SEMA3E: variants seen among roughly 807,000 people sequenced by gnomAD.
The protein encoded by SEMA3E is semaphorin 3E, also known as semaphorin-3E.
SEMA3E carries 49 observed loss-of-function variants against 93.6 expected under a neutral mutation model. The observed-to-expected ratio is 0.52, with a 90% CI of 0.42 to 0.66. The LOEUF is 0.66. SEMA3E is among the 30% of genes least tolerant of loss of function. The pLI, the probability that SEMA3E is intolerant of heterozygous loss-of-function variation, is 0.00. For synonymous variants in SEMA3E, 363 were observed against 330.7 expected (o/e 1.10, Z -1.06); for missense variants, 906 against 964.8 (o/e 0.94, Z 0.81).
chr7:83,388,868 C>T (rs1787937907), intron 14 of SEMA3E, among the ~76,000 whole-genome samples: 1 of 145,586 alleles, frequency 6.9e-6, no homozygotes. Context: ...TAATAGAATG[C>T]TATTTCAAGA....
Position 83,363,424 on chromosome 7 carries a change from A to T in SEMA3E, c.*4162T>A, listed in dbSNP as rs1344558518. The T allele has an allele frequency of 6.6e-6, 1 of 152,178 alleles. No individual in the cohort carries two copies. The highest frequency in any genetic ancestry group is 2.4e-5 in the African/African-American group (1 of 41,422). 9.4% of individuals were successfully genotyped at this position (152,178 alleles called of 1,614,324 possible). A position where few individuals can be genotyped will look rare whatever the true frequency, so the allele number is the denominator to read the frequency against. The stretch of plus-strand genomic sequence containing the variant: ...GGCTTAGAATCAGTGAAAAGAAAGA[A>T]TATGGCACACACTGTTATGAACCCA... On this transcript the variant is annotated 3_prime_UTR_variant, in exon 17 of 17. Coordinates refer to ENST00000643230, the MANE Select transcript of SEMA3E (RefSeq NM_012431.3).
intron 1 of SEMA3E, among the ~76,000 whole-genome samples, chr7:83,568,845 G>T (rs12112941): frequency 1.7e-3 from 258 of 152,050 alleles, no homozygotes; most frequent in African/African-American, 6.0e-3. Context: ...ACTCTTCCTA[G>T]TCAACATAGT....
chr7:83,403,744 A>T (rs1467539317), intron 9 of SEMA3E, among the ~76,000 whole-genome samples: 1 of 151,858 alleles, frequency 6.6e-6, no homozygotes, highest in Admixed American at 6.6e-5. Context: ...CTACACCCCC[A>T]ATTTACACAT....
chr7:83,615,350 A>G (rs1793343120), intron 1 of SEMA3E, among the ~76,000 whole-genome samples: 1 of 152,032 alleles, frequency 6.6e-6, no homozygotes, highest in African/African-American at 2.4e-5. Context: ...TTTTTTTTAA[A>G]CCCCTTACTT....
At chr7:83,571,658 T>C (rs1193513917) in intron 1 of SEMA3E, among the ~76,000 whole-genome samples, 1 of 152,098 alleles carries the variant, frequency 6.6e-6, no homozygotes, top group Non-Finnish European at 1.5e-5. Context: ...CCTTGAAAAC[T>C]GGAACAAGAC....
intron 2 of SEMA3E, among the ~76,000 whole-genome samples, chr7:83,477,591 G>T (rs548081116): frequency 2.0e-5 from 3 of 151,950 alleles, no homozygotes; most frequent in South Asian, 2.1e-4. Flanking sequence ...GACAAAATTT[G>T]TATTTTAAAA....
intron 4 of SEMA3E, among the ~76,000 whole-genome samples, chr7:83,439,500 A>C (rs1352964548): frequency 6.6e-6 from 1 of 152,206 alleles, no homozygotes; most frequent in Non-Finnish European, 1.5e-5. Flanking sequence ...TTTCTCAGGG[A>C]GAGGAGAAAA....
At chr7:83,437,682 C>T (rs534386322) in intron 4 of SEMA3E, among the ~76,000 whole-genome samples, 1 of 152,110 alleles carries the variant, frequency 6.6e-6, no homozygotes, top group Non-Finnish European at 1.5e-5. Flanking sequence ...AACTAAGAAG[C>T]AGTTATATTC....
chr7:83,472,300 A>G (rs984728298), intron 2 of SEMA3E, among the ~76,000 whole-genome samples: 11 of 152,148 alleles, frequency 7.2e-5, no homozygotes, highest in African/African-American at 1.2e-4. Context: ...TTTAATCCTT[A>G]CCACAACTTT....
intron 1 of SEMA3E, among the ~76,000 whole-genome samples, chr7:83,642,964 A>G (rs551764464): frequency 2.0e-5 from 3 of 152,180 alleles, no homozygotes; most frequent in African/African-American, 7.2e-5. Context: ...CTATTAAACC[A>G]CAGAAGAGTT....
chr7:83,595,578 A>AT (rs1792854639), intron 1 of SEMA3E, among the ~76,000 whole-genome samples: 1 of 152,028 alleles, frequency 6.6e-6, no homozygotes. Context: ...TTTAGTTGTC[A>AT]TATCTTCTTA....
chr7:83,377,833 T>G (rs1181581408), intron 16 of SEMA3E, among the ~76,000 whole-genome samples: 1 of 151,966 alleles, frequency 6.6e-6, no homozygotes, highest in Non-Finnish European at 1.5e-5. Context: ...TAAAATGTAG[T>G]GCTTATCCAT....
Position 83,469,142 on chromosome 7 carries a change from T to C in SEMA3E, c.336+101A>G, listed in dbSNP as rs1789837395. On this transcript the variant is annotated intron_variant, in intron 3 of 16. Coordinates refer to ENST00000643230, the MANE Select transcript of SEMA3E (RefSeq NM_012431.3). ...TTCTTCATGAACCAAATTGCATACA[T>C]ACTTTTATAAGAGCAAATAAAAATT... 2.8e-5 allele frequency: 26 copies of C among 934,428 alleles called. No homozygotes were observed. The South Asian group carries it at 3.5e-4, about 12-fold the overall frequency. 57.9% of individuals were successfully genotyped at this position (934,428 alleles called of 1,614,324 possible). A position where few individuals can be genotyped will look rare whatever the true frequency, so the allele number is the denominator to read the frequency against.
chr7:83,504,061 C>A (rs145340467), intron 1 of SEMA3E, among the ~76,000 whole-genome samples: 3 of 152,148 alleles, frequency 2.0e-5, no homozygotes, highest in African/African-American at 7.2e-5. Flanking sequence ...TAAAAACACA[C>A]GGTTTCCAGA....
At chr7:83,416,732 C>A (rs890285142) in intron 5 of SEMA3E, among the ~76,000 whole-genome samples, 2 of 151,834 alleles carry the variant, frequency 1.3e-5, no homozygotes, top group Non-Finnish European at 2.9e-5. Flanking sequence ...ATAAGAAAGT[C>A]TCTTTTTTTC....
intron 11 of SEMA3E, 52 bp downstream of exon 11, chr7:83,399,976 T>C (rs747767142): frequency 2.0e-5 from 27 of 1,353,966 alleles, no homozygotes; most frequent in Admixed American, 6.7e-5. Context: ...ATTAAAATTA[T>C]TGAATTTAAG....
At chr7:83,452,917 G>T (rs73393338) in intron 4 of SEMA3E, among the ~76,000 whole-genome samples, 4,353 of 152,140 alleles carry the variant, frequency 0.029, 230 homozygotes, top group African/African-American at 0.099. Flanking sequence ...TTTGATTTCA[G>T]TAAAGAAAGC....
intron 9 of SEMA3E, among the ~76,000 whole-genome samples, chr7:83,403,422 C>CA (rs1788267659): frequency 6.6e-6 from 1 of 151,660 alleles, no homozygotes. Flanking sequence ...TAGCGGAAAG[C>CA]AAAAAAATTT....
chr7:83,471,858 A>G (rs1482559724), intron 2 of SEMA3E, among the ~76,000 whole-genome samples: 1 of 152,228 alleles, frequency 6.6e-6, no homozygotes, highest in African/African-American at 2.4e-5. Context: ...AAATCAAATT[A>G]CAGTATATAC....
Sources: gnomAD v4.1 joint callset for allele counts (sites outside exome capture counted in the v4.1 genomes callset) on GRCh38, gnomAD v4.1.1 for gene constraint, MANE v1.5 for transcripts, NCBI Gene and HGNC (gene_info 2026-07-23, HGNC 2026-07-21) for gene names.